CSMD1: variants seen among roughly 807,000 people sequenced by gnomAD.
CSMD1 encodes the protein CUB and Sushi multiple domains 1, also known as CUB and sushi domain-containing protein 1.
A neutral mutation model predicts 417.5 loss-of-function variants in CSMD1; 213 were observed. That is an observed-to-expected ratio of 0.51 (90% CI 0.46 to 0.57). CSMD1 has a LOEUF of 0.57. CSMD1 is among the 20% of genes least tolerant of loss of function. The pLI, the probability that CSMD1 is intolerant of heterozygous loss-of-function variation, is 0.00. For synonymous variants in CSMD1, 2,862 were observed against 1,736.8 expected (o/e 1.65, Z -16.11); for missense variants, 6,923 against 4,529.7 (o/e 1.53, Z -15.17).
intron 3 of CSMD1, among the ~76,000 whole-genome samples, chr8:4,057,145 C>G (rs1347131823): frequency 6.6e-6 from 1 of 152,208 alleles, no homozygotes; most frequent in East Asian, 1.9e-4. Context: ...AGTTTACAGT[C>G]CCACCAACAG....
chr8:3,307,626 T>TATCTC (rs1804978433), intron 25 of CSMD1, 69 bp downstream of exon 25: 1 of 1,485,490 alleles, frequency 6.7e-7, no homozygotes, highest in Non-Finnish European at 9.3e-7. Context: ...GGTGTACCAC[T>TATCTC]ATCTCTGCTA....
At chr8:3,593,145 G>C (rs1015355533) in intron 8 of CSMD1, among the ~76,000 whole-genome samples, 3 of 152,232 alleles carry the variant, frequency 2.0e-5, no homozygotes, top group South Asian at 2.1e-4. Context: ...GTGGTGATAA[G>C]TGTGATGGTG....
intron 26 of CSMD1, among the ~76,000 whole-genome samples, chr8:3,269,992 C>T (rs933876525): frequency 1.3e-5 from 2 of 151,390 alleles, no homozygotes; most frequent in Non-Finnish European, 2.9e-5. Context: ...TGGCCATCAA[C>T]ATGCACGTAG....
At chr8:3,863,958 T>A (rs1804905766) in intron 5 of CSMD1, among the ~76,000 whole-genome samples, 1 of 152,204 alleles carries the variant, frequency 6.6e-6, no homozygotes, top group Admixed American at 6.5e-5. Flanking sequence ...AGAGGTCTGA[T>A]TCTTTTTCCT....
At chr8:4,058,863 G>A (rs1388286534) in intron 3 of CSMD1, among the ~76,000 whole-genome samples, 3 of 151,704 alleles carry the variant, frequency 2.0e-5, no homozygotes, top group Non-Finnish European at 4.4e-5. Flanking sequence ...ACACACCACT[G>A]TCAACATTAG....
chr8:4,985,323 C>T (rs1001584533), intron 1 of CSMD1, among the ~76,000 whole-genome samples: 1 of 151,794 alleles, frequency 6.6e-6, no homozygotes, highest in Non-Finnish European at 1.5e-5. Context: ...CACACATTTA[C>T]CTATGTAACA....
At chr8:3,274,183 G>T (rs1218756841) in intron 26 of CSMD1, among the ~76,000 whole-genome samples, 2 of 151,498 alleles carry the variant, frequency 1.3e-5, no homozygotes, top group African/African-American at 4.8e-5. Context: ...ATTTCGTTAT[G>T]TACCCAGTAG....
At chr8:3,726,083 C>G (rs1031051352) in intron 6 of CSMD1, among the ~76,000 whole-genome samples, 5 of 152,250 alleles carry the variant, frequency 3.3e-5, no homozygotes, top group Non-Finnish European at 5.9e-5. Flanking sequence ...TGAGGGTACT[C>G]AAGCAGCCAC....
intron 4 of CSMD1, among the ~76,000 whole-genome samples, chr8:4,003,755 C>T (rs772089334): frequency 8.5e-5 from 13 of 152,146 alleles, no homozygotes; most frequent in Non-Finnish European, 1.8e-4. Context: ...TGAGAGGGCT[C>T]ATATACGCCG....
At chr8:4,788,558 G>A in intron 1 of CSMD1, 2 of 1,365,330 alleles carry the variant, frequency 1.5e-6, no homozygotes, top group Non-Finnish European at 2.0e-6. Context: ...GAAGCAGGCT[G>A]ACAAGAAAAT....
chr8:4,137,585 C>A (rs1297648498), intron 3 of CSMD1, among the ~76,000 whole-genome samples: 1 of 130,980 alleles, frequency 7.6e-6, no homozygotes, highest in African/African-American at 2.5e-5. Context: ...GTTAATGGAA[C>A]TGGTTGGTTT....
At chr8:3,787,019 T>C (rs1371892120) in intron 5 of CSMD1, among the ~76,000 whole-genome samples, 1 of 152,180 alleles carries the variant, frequency 6.6e-6, no homozygotes, top group African/African-American at 2.4e-5. Context: ...ATCTGAAGTC[T>C]AACTTAAGTA....
intron 3 of CSMD1, among the ~76,000 whole-genome samples, chr8:4,072,517 C>G (rs1397368033): frequency 1.3e-5 from 2 of 152,110 alleles, no homozygotes; most frequent in African/African-American, 4.8e-5. Context: ...TTGCTGAAAG[C>G]TCTAAACAGG....
At chr8:4,302,517 T>G (rs138533184) in intron 3 of CSMD1, among the ~76,000 whole-genome samples, 1 of 152,172 alleles carries the variant, frequency 6.6e-6, no homozygotes. Context: ...CGTGCTTGCA[T>G]GTAGGAAGTC....
At chr8:3,173,695 C>T (rs913808204) in intron 37 of CSMD1, among the ~76,000 whole-genome samples, 4 of 152,172 alleles carry the variant, frequency 2.6e-5, no homozygotes, top group African/African-American at 9.7e-5. Flanking sequence ...AATGAAATCT[C>T]TGTAAACACA....
At chr8:4,381,605 G>T (rs529129125) in intron 3 of CSMD1, among the ~76,000 whole-genome samples, 2 of 151,964 alleles carry the variant, frequency 1.3e-5, no homozygotes, top group African/African-American at 2.4e-5. Context: ...CTTGGTTCCC[G>T]CCCTGAACAC....
intron 3 of CSMD1, among the ~76,000 whole-genome samples, chr8:4,339,797 G>T (rs78881317): frequency 2.6e-5 from 4 of 152,064 alleles, no homozygotes; most frequent in Admixed American, 2.6e-4. Flanking sequence ...AATGAGGTGG[G>T]AGAACCACTT....
At chr8:4,298,484 T>C (rs1025209736) in intron 3 of CSMD1, among the ~76,000 whole-genome samples, 5 of 152,152 alleles carry the variant, frequency 3.3e-5, no homozygotes, top group African/African-American at 1.2e-4. Flanking sequence ...ATGTATATTA[T>C]TTGAGTAATG....
At chr8:3,343,564 G>T in intron 22 of CSMD1, 114 bp from the exon 23 acceptor site, 1 of 853,428 alleles carries the variant, frequency 1.2e-6, no homozygotes, top group Non-Finnish European at 1.8e-6. Flanking sequence ...TACTTAAAAA[G>T]GCATATAGTT....
Sources: gnomAD v4.1 joint callset for allele counts (sites outside exome capture counted in the v4.1 genomes callset) on GRCh38, gnomAD v4.1.1 for gene constraint, MANE v1.5 for transcripts, NCBI Gene and HGNC (gene_info 2026-07-23, HGNC 2026-07-21) for gene names.